RGS6: variants seen among roughly 807,000 people sequenced by gnomAD.
RGS6 encodes regulator of G-protein signaling 6.
A neutral mutation model predicts 78.5 loss-of-function variants in RGS6; 30 were observed. The ratio of observed to expected loss-of-function variants is 0.38; its 90% CI spans 0.29 to 0.52. The LOEUF (loss-of-function observed/expected upper bound fraction) is 0.52, where lower values mean the gene tolerates loss of function less well. RGS6 is among the 20% of genes least tolerant of loss of function. The pLI, the probability that RGS6 is intolerant of heterozygous loss-of-function variation, is 0.85. For synonymous variants in RGS6, 206 were observed against 206.0 expected (o/e 1.00, Z 0.00); for missense variants, 495 against 609.7 (o/e 0.81, Z 1.98).
At chr14:72,551,446 G>A (rs943776291) in intron 17 of RGS6, among the ~76,000 whole-genome samples, 3 of 152,202 alleles carry the variant, frequency 2.0e-5, no homozygotes, top group Non-Finnish European at 4.4e-5. Context: ...AGAGCAAGGA[G>A]CTGGATTGTG....
At chr14:72,155,290 C>T (rs2096754099) in intron 2 of RGS6, among the ~76,000 whole-genome samples, 1 of 152,210 alleles carries the variant, frequency 6.6e-6, no homozygotes, top group South Asian at 2.1e-4. Flanking sequence ...TTTGGCTGAG[C>T]TCTGCGGAGC....
intron 17 of RGS6, chr14:72,541,230 G>A: frequency 1.4e-6 from 2 of 1,435,818 alleles, no homozygotes; most frequent in Non-Finnish European, 1.8e-6. Flanking sequence ...CCTGACTACT[G>A]TGTGACTGGT....
intron 2 of RGS6, among the ~76,000 whole-genome samples, chr14:72,133,120 G>A (rs1378887502): frequency 6.6e-6 from 1 of 151,956 alleles, no homozygotes; most frequent in African/African-American, 2.4e-5. Flanking sequence ...CATTGGGTAG[G>A]GACATCATTC....
intron 3 of RGS6, among the ~76,000 whole-genome samples, chr14:72,381,719 A>G (rs1306970409): frequency 6.6e-6 from 1 of 152,138 alleles, no homozygotes; most frequent in Non-Finnish European, 1.5e-5. Flanking sequence ...CTCAGGATGA[A>G]AGTTTGAGAT....
At chr14:72,122,713 G>GAA in intron 2 of RGS6, among the ~76,000 whole-genome samples, 1 of 150,860 alleles carries the variant, frequency 6.6e-6, no homozygotes, top group Non-Finnish European at 1.5e-5. Flanking sequence ...ATCAGAATGA[G>GAA]GCCAGCACTC....
intron 2 of RGS6, among the ~76,000 whole-genome samples, chr14:72,322,645 T>G (rs1468139739): frequency 6.6e-6 from 1 of 152,046 alleles, no homozygotes; most frequent in Non-Finnish European, 1.5e-5. Context: ...TAATCCTAAT[T>G]AAAATATTAG....
the RGS6 span, among the ~76,000 whole-genome samples, chr14:71,868,450 C>G: frequency 1.1e-4 from 17 of 152,282 alleles, no homozygotes; most frequent in East Asian, 3.3e-3. Context: ...CATATTTACA[C>G]TCCTATATGG....
chr14:71,979,921 C>G (rs2094357285), intron 2 of RGS6, among the ~76,000 whole-genome samples: 1 of 142,188 alleles, frequency 7.0e-6, no homozygotes, highest in Admixed American at 7.1e-5. Context: ...TCACTCAGGA[C>G]TTGCTTTATG....
At chr14:72,369,773 A>G (rs2083102780) in intron 3 of RGS6, among the ~76,000 whole-genome samples, 1 of 152,332 alleles carries the variant, frequency 6.6e-6, no homozygotes, top group Admixed American at 6.5e-5. Flanking sequence ...GTAGTTTAAA[A>G]TATCTTTTGG....
At chr14:72,595,463 AGTTT>A in the RGS6 span, among the ~76,000 whole-genome samples, 24 of 48,094 alleles carry the variant, frequency 5.0e-4, no homozygotes, top group African/African-American at 1.1e-3. Flanking sequence ...GCAACCTCTT[AGTTT>A]AAACAAACAA....
intron 2 of RGS6, among the ~76,000 whole-genome samples, chr14:71,998,720 T>C (rs2082836518): frequency 6.6e-6 from 1 of 152,224 alleles, no homozygotes; most frequent in South Asian, 2.1e-4. Context: ...AATCTCTAGA[T>C]GCAGAGAAGT....
At position 72,214,947 on chromosome 14, in the gene RGS6, A is replaced by G. The variant is rs1266689000; in HGVS notation, c.85-137148A>G. Among the ~76,000 whole-genome samples, 3 of 152,250 alleles carry G rather than the reference A, an allele frequency of 2.0e-5. No individual in the cohort carries two copies. In the East Asian group the frequency reaches 5.8e-4, roughly 29 times the overall value. ...TGAGATTTGAAGATTTGCAATTTGC[A>G]TAAATTTACCTGACTTGTAAGTGCC... On this transcript the variant is annotated intron_variant, in intron 2 of 17. Transcript: ENST00000553525.
At chr14:72,480,095 G>A (rs567651661) in intron 12 of RGS6, among the ~76,000 whole-genome samples, 34 of 152,318 alleles carry the variant, frequency 2.2e-4, no homozygotes, top group African/African-American at 7.9e-4. Flanking sequence ...CTCAGCCCTA[G>A]GGATTCAGAT....
At chr14:71,900,282 C>G in the RGS6 span, among the ~76,000 whole-genome samples, 3 of 152,182 alleles carry the variant, frequency 2.0e-5, no homozygotes, top group African/African-American at 7.2e-5. Flanking sequence ...CTGGCTGCTA[C>G]CACTTCTGAA....
In RGS6 at chr14:72,484,614, C is replaced by A. The variant is rs549064522; in HGVS notation, c.854+6285C>A. On this transcript the variant is annotated intron_variant, in intron 12 of 17. Coordinates refer to ENST00000553525, the MANE Select transcript of RGS6 (RefSeq NM_001204424.2). ...GTTAAGAGAGAAAGGATAAAATCTACAACTTTTATTTTTGTCATATTTTCT... is the reference window on the plus strand; with the variant it reads ...GTTAAGAGAGAAAGGATAAAATCTAAAACTTTTATTTTTGTCATATTTTCT... 2.9e-3 allele frequency among the ~76,000 whole-genome samples: 438 copies of A among 152,166 alleles called. 2 individuals are homozygous for A. The highest frequency in any genetic ancestry group is 9.3e-3 in the African/African-American group (384 of 41,502).
intron 3 of RGS6, among the ~76,000 whole-genome samples, chr14:72,391,951 G>C (rs1015369372): frequency 2.0e-5 from 3 of 152,152 alleles, no homozygotes; most frequent in African/African-American, 7.2e-5. Flanking sequence ...TGGCTGCATA[G>C]TATTCCATGG....
rs2096250571 is a variant in RGS6 at position 72,476,733 on chromosome 14, T to C, written c.694-9T>C. The C allele has an allele frequency of 6.2e-7, 1 of 1,613,500 alleles. No individual in the cohort carries two copies. Among genetic ancestry groups the C allele is most frequent in the Admixed American group, 1.7e-5 (1 of 59,986 alleles). On this transcript the variant is annotated splice_polypyrimidine_tract_variant and intron_variant, in intron 10 of 17. Coordinates refer to ENST00000553525, the MANE Select transcript of RGS6 (RefSeq NM_001204424.2). ...GTGGATGATCCTCTGTGCTTGCTTCTTCTCCTAGTCCGTGTATGGCGTGAC... is the reference window on the plus strand; with the variant it reads ...GTGGATGATCCTCTGTGCTTGCTTCCTCTCCTAGTCCGTGTATGGCGTGAC...
intron 12 of RGS6, among the ~76,000 whole-genome samples, chr14:72,483,254 A>G (rs1229386908): frequency 6.6e-6 from 1 of 152,118 alleles, no homozygotes; most frequent in East Asian, 1.9e-4. Context: ...TTACACCACA[A>G]TCACTGCAGC....
At chr14:72,088,596 C>T (rs867896416) in intron 2 of RGS6, among the ~76,000 whole-genome samples, 6 of 152,156 alleles carry the variant, frequency 3.9e-5, no homozygotes, top group Non-Finnish European at 5.9e-5. Context: ...TTTATGCCCC[C>T]GCCCCACCCC....
Sources: allele counts gnomAD v4.1 joint callset (sites outside exome capture counted in the v4.1 genomes callset), GRCh38; gene constraint gnomAD v4.1.1; transcripts MANE v1.5; gene names NCBI Gene and HGNC (gene_info 2026-07-23, HGNC 2026-07-21).